MKI67: variants seen among roughly 807,000 people sequenced by gnomAD.
MKI67 encodes the protein marker of proliferation Ki-67.
A neutral mutation model predicts 233.5 loss-of-function variants in MKI67; 152 were observed. The ratio of observed to expected loss-of-function variants is 0.65; its 90% CI spans 0.57 to 0.74. MKI67 has a LOEUF of 0.74. MKI67 is among the 30% of genes least tolerant of loss of function. The pLI, the probability that MKI67 is intolerant of heterozygous loss-of-function variation, is 0.00. For missense variants in MKI67, 3,940 were observed against 3,885.2 expected (o/e 1.01, Z -0.37); for synonymous variants, 1,465 against 1,418.5 (o/e 1.03, Z -0.74).
Position 128,103,129 on chromosome 10 carries a change from T to C in MKI67, c.8711A>G (p.Gln2904Arg), listed in dbSNP as rs11016071. The change falls in exon 13 of 15, where the codon CAG becomes CGG. Residue 2904 changes from glutamine to arginine, a missense_variant. Physicochemically the swap from Gln to Arg is conservative, Grantham distance 43. Coordinates refer to ENST00000368654, the MANE Select transcript of MKI67 (RefSeq NM_002417.5). ...GGCCTTTTCCTTAGGTGCTCTTGGC[T>C]GTCTCCTGCTGCCAATTACATCTTC... ...DAEDVIGSRRQPRAPKEKAQP... is the reference protein window; with the variant it reads ...DAEDVIGSRRRPRAPKEKAQP... 0.18 allele frequency: 295,510 copies of C among 1,613,650 alleles called. 28,335 individuals are homozygous for C. Among genetic ancestry groups the C allele is most frequent in the African/African-American group, 0.32 (23,687 of 74,820 alleles).
At chr10:128,123,714 T>C (rs746957615) in intron 2 of MKI67, among the ~76,000 whole-genome samples, 17 of 152,244 alleles carry the variant, frequency 1.1e-4, no homozygotes, top group Non-Finnish European at 1.6e-4. Flanking sequence ...ATGCTCATTA[T>C]GGGTAAGCTT....
Position 128,104,156 on chromosome 10 carries a change from A to G in MKI67, c.7684T>C (p.Phe2562Leu), listed in dbSNP as rs1590296316. Residue 2562 changes from phenylalanine to leucine, a missense_variant, in exon 13 of 15, where the codon TTC becomes CTC. By Grantham distance (22) the Phe-to-Leu change is conservative. Transcript: ENST00000368654. ...KARALEDLVD[F>L]KELFSAPGHT... ...CCTGGTGCTGAGAAGAGCTCTTTGA[A>G]GTCAACCAGGTCTTCTAGAGCACGG... is the stretch of plus-strand genomic sequence containing the variant. The G allele has an allele frequency of 1.7e-5, 27 of 1,613,906 alleles. No individual in the cohort carries two copies. Among genetic ancestry groups the G allele is most frequent in the Non-Finnish European group, 2.3e-5 (27 of 1,180,020 alleles).
In MKI67 at chr10:128,115,845, G is replaced by A; in HGVS notation, c.563C>T (p.Ala188Val). ...AGCTGCATTTCTGCCATTACGTCCAGCATGTTCTGAGGAATGAACATTAGT... is the reference window on the plus strand; with the variant it reads ...AGCTGCATTTCTGCCATTACGTCCAACATGTTCTGAGGAATGAACATTAGT... ...GTTNVHSSEHAGRNGRNAADP... is the reference protein window; with the variant it reads ...GTTNVHSSEHVGRNGRNAADP... Residue 188 changes from alanine to valine, a missense_variant, in exon 7 of 15, where the codon GCT (alanine) becomes GTT (valine). Ala to Val is a moderately conservative substitution (Grantham distance 64). Transcript: ENST00000368654. 1 of 1,608,712 alleles carries A rather than the reference G, an allele frequency of 6.2e-7. No individual in the cohort carries two copies.
At position 128,109,247 on chromosome 10, in the gene MKI67, G is replaced by A. The variant is rs752017672; in HGVS notation, c.2593C>T (p.Pro865Ser). The A allele has an allele frequency of 6.2e-7, 1 of 1,614,088 alleles. No homozygotes were observed. Among genetic ancestry groups the A allele is most frequent in the Non-Finnish European group, 8.5e-7 (1 of 1,180,004 alleles). The change falls in exon 13 of 15, where the codon CCT becomes TCT. Residue 865 changes from proline (P) to serine (S), a missense_variant. Coordinates refer to ENST00000368654, the MANE Select transcript of MKI67 (RefSeq NM_002417.5). ...ETKTSDTETE[P>S]SKTVSTANRS... Reference sequence around the variant, plus strand: ...TTTGCAGTGGATACTGTTTTTGAAGGCTCTGTCTCAGTATCTGAAGTTTTT... The same window carrying A: ...TTTGCAGTGGATACTGTTTTTGAAGACTCTGTCTCAGTATCTGAAGTTTTT...
At position 128,107,218 on chromosome 10, in the gene MKI67, GGT is replaced by G; in HGVS notation, c.4620_4621del (p.Pro1541GlnfsTer7). On this transcript the variant is annotated frameshift_variant, in exon 13 of 15. Coordinates refer to ENST00000368654, the MANE Select transcript of MKI67 (RefSeq NM_002417.5). LOFTEE classifies it high-confidence loss of function. Reference sequence around the variant, plus strand: ...TTTCTCACCACTTACTGCTGGTTTGGGTGTGTGCATGGCTTTGCCTGCTGATG... The same window carrying G: ...TTTCTCACCACTTACTGCTGGTTTGGGTGTGCATGGCTTTGCCTGCTGATG... 1.2e-6 allele frequency: 2 copies of G among 1,614,108 alleles called. No homozygotes were observed. Among genetic ancestry groups the G allele is most frequent in the Non-Finnish European group, 1.7e-6 (2 of 1,180,010 alleles).
chr10:128,115,062 AG>A lies in MKI67; in HGVS notation c.1345del (p.Leu449SerfsTer53), dbSNP rs765473894. 1.2e-6 allele frequency: 2 copies of A among 1,613,624 alleles called. No homozygotes were observed. Among genetic ancestry groups the A allele is most frequent in the African/African-American group, 2.7e-5 (2 of 75,034 alleles). On this transcript the variant is annotated frameshift_variant, in exon 7 of 15. Transcript: ENST00000368654. LOFTEE classifies it high-confidence loss of function. ...TTGGATCTTCCTCTCAACTTGAGTGAGCCACAGAGTTAAAAATGGCTCATTG... is the reference window on the plus strand; with the variant it reads ...TTGGATCTTCCTCTCAACTTGAGTGACCACAGAGTTAAAAATGGCTCATTG... The part of the protein sequence containing the change: ...IHNEPFLTLW[L>X]TQVERKIQKD...
chr10:128,108,266 C>G lies in MKI67; in HGVS notation c.3574G>C (p.Gly1192Arg). 1 of 1,613,766 alleles carries G rather than the reference C, an allele frequency of 6.2e-7. No individual in the cohort carries two copies. The highest frequency in any genetic ancestry group is 8.5e-7 in the Non-Finnish European group (1 of 1,179,960). ...GDEKDIKAFM[G>R]TPVQKLDLAG... is the part of the protein sequence containing the mutation. ...AGGTCCAGTTTCTGCACTGGAGTTC[C>G]CATAAATGCTTTAATGTCTTTCTCA... Residue 1192 changes from glycine (G) to arginine (R), a missense_variant, in exon 13 of 15, where the codon GGA becomes CGA. Physicochemically the swap from Gly to Arg is moderately radical, Grantham distance 125. Transcript: ENST00000368654.
At chr10:128,119,358 T>G (rs1852880704) in intron 4 of MKI67, 39 bp from the exon 5 acceptor site, 2 of 1,448,650 alleles carry the variant, frequency 1.4e-6, no homozygotes, top group Non-Finnish European at 1.9e-6. Flanking sequence ...GATTAAAAAT[T>G]TATACCCTGG....
chr10:128,108,135 A>C lies in MKI67; in HGVS notation c.3705T>G (p.Gly1235=). 6.2e-7 allele frequency: 1 copy of C among 1,612,562 alleles called. No homozygotes were observed. Among genetic ancestry groups the C allele is most frequent in the Non-Finnish European group, 8.5e-7 (1 of 1,179,730 alleles). ...AGFKELFQTP[G]HTEELVAAGK... ...CAGCAGCCACTAATTCCTCGGTGTGACCAGGAGTCTGGAAGAGCTCTTTAA... is the reference window on the plus strand; with the variant it reads ...CAGCAGCCACTAATTCCTCGGTGTGCCCAGGAGTCTGGAAGAGCTCTTTAA... Residue 1235 remains glycine (G), a synonymous_variant, in exon 13 of 15, where the codon GGT becomes GGG. Transcript: ENST00000368654.
rs956380495 is a variant in MKI67 at position 128,108,053 on chromosome 10, T to C, written c.3787A>G (p.Thr1263Ala). 6.2e-7 allele frequency: 1 copy of C among 1,613,992 alleles called. No individual in the cohort carries two copies. The highest frequency in any genetic ancestry group is 8.5e-7 in the Non-Finnish European group (1 of 1,180,002). The change falls in exon 13 of 15, where the codon ACA becomes GCA. Residue 1263 changes from threonine to alanine, a missense_variant. Transcript: ENST00000368654. ...CTCTTGGGTCGTTGCTTTGTGCTTG[T>C]TGGGGTGTCCACTGGGTCTGACTGT... is the stretch of plus-strand genomic sequence containing the variant. The part of the protein sequence containing the change: ...SPQSDPVDTP[T>A]STKQRPKRSI...
In MKI67 at chr10:128,107,468, T is replaced by C. The variant is rs965445979; in HGVS notation, c.4372A>G (p.Lys1458Glu). 1.9e-6 allele frequency: 3 copies of C among 1,613,926 alleles called. No individual in the cohort carries two copies. In the African/African-American group the frequency reaches 4.0e-5, roughly 22 times the overall value. The stretch of plus-strand genomic sequence containing the variant: ...TCTTCTAGGGGTTGGGCCTTTTCCT[T>C]AGTTTTTGGGTGCCTCTTGCTACCA... The part of the protein sequence containing the change: ...VTGSKRHPKT[K>E]EKAQPLEDLA... The change falls in exon 13 of 15, where the codon AAG becomes GAG. Residue 1458 changes from lysine to glutamate, a missense_variant. Coordinates refer to ENST00000368654, the MANE Select transcript of MKI67 (RefSeq NM_002417.5).
In MKI67 at chr10:128,103,560, A is replaced by T. The variant is rs773755153; in HGVS notation, c.8280T>A (p.Asp2760Glu). ...TDADKEPAGE[D>E]KGIKALKESA... ...ATTCCTTCAATGCTTTGATGCCTTTATCTTCACCTGCTGGTTCTTTGTCTG... is the reference window on the plus strand; with the variant it reads ...ATTCCTTCAATGCTTTGATGCCTTTTTCTTCACCTGCTGGTTCTTTGTCTG... Residue 2760 changes from aspartate to glutamate, a missense_variant, in exon 13 of 15, where the codon GAT becomes GAA. By Grantham distance (45) the Asp-to-Glu change is conservative. Transcript: ENST00000368654. 4 of 1,613,330 alleles carry T rather than the reference A, an allele frequency of 2.5e-6. No homozygotes were observed. In the African/African-American group the frequency reaches 4.0e-5, roughly 16 times the overall value.
Position 128,102,594 on chromosome 10 carries a change from C to T in MKI67, c.9246G>A (p.Ser3082=), listed in dbSNP as rs3191122. 0.24 allele frequency: 382,553 copies of T among 1,612,448 alleles called. 47,104 individuals carry two copies. The highest frequency in any genetic ancestry group is 0.31 in the Admixed American group (18,371 of 59,974). The change falls in exon 13 of 15, where the codon TCG becomes TCA. Residue 3082 remains serine (S), a synonymous_variant. Transcript: ENST00000368654. ...TTCCTCTCACCTTATTTTCAGGGAC[C>T]GAGTCTTGTAATTTGTGTTCCTCTT... The part of the protein sequence containing the change: ...TNKEEHKLQD[S]VPENKGISLR...
chr10:128,110,290 G>C (rs1163194850), intron 12 of MKI67, 88 bp downstream of exon 12: 2 of 1,063,102 alleles, frequency 1.9e-6, no homozygotes, highest in Non-Finnish European at 2.6e-6. Context: ...ATTTGTTTTA[G>C]AGAAGTAATA....
At chr10:128,112,523 G>C in intron 8 of MKI67, 78 bp from the exon 9 acceptor site, 1 of 1,369,116 alleles carries the variant, frequency 7.3e-7, no homozygotes, top group South Asian at 1.3e-5. Flanking sequence ...AACCTATTCA[G>C]TTAAGAATTT....
In MKI67 at chr10:128,108,739, A is replaced by C; in HGVS notation, c.3101T>G (p.Val1034Gly). Residue 1034 changes from valine (V) to glycine (G), a missense_variant, in exon 13 of 15, where the codon GTG becomes GGG. Transcript: ENST00000368654. ...GCCGACTGCTAGGAGCTCTTCTTTCACACCTACTTTCCCCAGGGATGCCTT... is the reference window on the plus strand; with the variant it reads ...GCCGACTGCTAGGAGCTCTTCTTTCCCACCTACTTTCCCCAGGGATGCCTT... ...QLKASLGKVGVKEELLAVGKF... is the reference protein window; with the variant it reads ...QLKASLGKVGGKEELLAVGKF... 6.2e-7 allele frequency: 1 copy of C among 1,614,066 alleles called. No individual in the cohort carries two copies. Among genetic ancestry groups the C allele is most frequent in the Non-Finnish European group, 8.5e-7 (1 of 1,180,010 alleles).
Position 128,109,118 on chromosome 10 carries a change from C to A in MKI67, c.2722G>T (p.Gly908Cys), listed in dbSNP as rs749021581. Reference sequence around the variant, plus strand: ...TGTTGTAGTAGTGTTGCCTTCTGACCTCTTTTTAGGATGCACTCAACAATT... The same window carrying A: ...TGTTGTAGTAGTGTTGCCTTCTGACATCTTTTTAGGATGCACTCAACAATT... ...TEIVECILKR[G>C]QKATLLQQRR... The change falls in exon 13 of 15, where the codon GGT becomes TGT. Residue 908 changes from glycine to cysteine, a missense_variant. By Grantham distance (159) the Gly-to-Cys change is radical (BLOSUM62 -3). Coordinates refer to ENST00000368654, the MANE Select transcript of MKI67 (RefSeq NM_002417.5). 2.5e-6 allele frequency: 4 copies of A among 1,614,000 alleles called. No individual in the cohort carries two copies. In the Admixed American group the frequency reaches 6.7e-5, roughly 27 times the overall value.
rs1280591219 is a variant in MKI67, at chr10:128,115,578, G to A, written c.830C>T (p.Ala277Val). ...TTGGGTCTCCCCCTGTAAACCATCA[G>A]CACTTTCTTTCTCTGTTGCGTAATC... ...QTDYATEKESADGLQGETQLL... is the reference protein window; with the variant it reads ...QTDYATEKESVDGLQGETQLL... The change falls in exon 7 of 15, where the codon GCT becomes GTT. Residue 277 changes from alanine to valine, a missense_variant. By Grantham distance (64) the Ala-to-Val change is moderately conservative. Transcript: ENST00000368654. 3 of 1,614,160 alleles carry A rather than the reference G, an allele frequency of 1.9e-6. No homozygotes were observed. Among genetic ancestry groups the A allele is most frequent in the Admixed American group, 1.7e-5 (1 of 60,022 alleles).
rs762312794 is a variant in MKI67, at chr10:128,097,706, AC to A, written c.*1483del. On this transcript the variant is annotated 3_prime_UTR_variant, in exon 15 of 15. Coordinates refer to ENST00000368654, the MANE Select transcript of MKI67 (RefSeq NM_002417.5). ...TGCTAAGAGCCACTCTTCCTTGAAC[AC>A]CCTCCCCTGTTCTGCCCTGGTGCAA... 10 of 151,910 alleles carry A rather than the reference AC, an allele frequency of 6.6e-5. No homozygotes were observed. Among genetic ancestry groups the A allele is most frequent in the Non-Finnish European group, 1.0e-4 (7 of 68,018 alleles). 9.4% of individuals were successfully genotyped at this position (151,910 alleles called of 1,614,324 possible).
Sources: allele counts gnomAD v4.1 joint callset (sites outside exome capture counted in the v4.1 genomes callset), GRCh38; gene constraint gnomAD v4.1.1; transcripts MANE v1.5; gene names NCBI Gene and HGNC (gene_info 2026-07-23, HGNC 2026-07-21).